The following OTUD4 variants were observed in gnomAD, a reference collection of about 807,000 sequenced individuals.
The protein encoded by OTUD4 is OTU deubiquitinase 4.
In OTUD4, 24 loss-of-function variants were observed where a neutral mutation model predicts 130.4. The ratio of observed to expected loss-of-function variants is 0.18; its 90% confidence interval spans 0.13 to 0.26. The LOEUF (loss-of-function observed/expected upper bound fraction) is 0.26. Ranked by LOEUF, OTUD4 falls within the 10% of genes least tolerant of loss-of-function variation. The pLI is 1.00. For synonymous variants in OTUD4, 420 were observed against 472.5 expected, an observed-to-expected ratio of 0.89 and a Z score of 1.44; for missense variants, 1,031 against 1,329.4, an observed-to-expected ratio of 0.78 and a Z score of 3.49.
intron 5 of OTUD4, among the ~76,000 whole-genome samples, chr4:145,163,722 T>C (rs78174990): frequency 6.6e-6 from 1 of 151,350 alleles, no homozygotes; most frequent in Non-Finnish European, 1.5e-5. Context: ...TTTTTTTTTT[T>C]TAAGACGGAG....
chr4:145,154,434 T>C (rs1051021580), intron 10 of OTUD4, among the ~76,000 whole-genome samples: 1 of 152,222 alleles, frequency 6.6e-6, no homozygotes, highest in African/African-American at 2.4e-5. Flanking sequence ...GTTTCCTCCA[T>C]AAGTCAAAAA....
chr4:145,180,028 G>A lies in OTUD4; in HGVS notation c.-55C>T, dbSNP rs1752620269. The A allele has an allele frequency of 7.0e-6, 9 of 1,286,912 alleles. No individual in the cohort carries two copies. The highest frequency in any genetic ancestry group is 8.8e-6 in the Non-Finnish European group (9 of 1,021,012). 79.7% of individuals were successfully genotyped at this position (1,286,912 alleles called of 1,614,324 possible). On this transcript the variant is annotated 5_prime_UTR_variant, in exon 1 of 21. Coordinates refer to ENST00000447906, the MANE Select transcript of OTUD4 (RefSeq NM_001366057.1). ...GCGAGGGCTAGCCCCACATGGCCAG[G>A]CCGCCGGCTGCTCGACGCCCCGGCC...
intron 13 of OTUD4, among the ~76,000 whole-genome samples, chr4:145,147,251 ATTTT>A (rs895738092): frequency 2.0e-5 from 3 of 151,506 alleles, no homozygotes; most frequent in Non-Finnish European, 4.4e-5. Flanking sequence ...ATGTTATCTG[ATTTT>A]TTTTTAACCT....
At chr4:145,141,021 C>T (rs1262718128) in intron 19 of OTUD4, among the ~76,000 whole-genome samples, 4 of 151,712 alleles carry the variant, frequency 2.6e-5, no homozygotes, top group Non-Finnish European at 5.9e-5. Flanking sequence ...AAAAAATTAG[C>T]CAGGCCTGGT....
chr4:145,163,059 T>A (rs36224851), intron 5 of OTUD4, among the ~76,000 whole-genome samples: 1,902 of 152,312 alleles, frequency 0.012, 44 homozygotes, highest in African/African-American at 0.042. Flanking sequence ...ACCTCTAACA[T>A]GCAAAATTTT....
intron 11 of OTUD4, among the ~76,000 whole-genome samples, chr4:145,151,627 T>G (rs1214163599): frequency 6.6e-6 from 1 of 152,086 alleles, no homozygotes; most frequent in Non-Finnish European, 1.5e-5. Context: ...AGGGCAAGAC[T>G]CCATCTCAAA....
chr4:145,164,241 T>G lies in OTUD4; in HGVS notation c.342-15A>C. On this transcript the variant is annotated splice_polypyrimidine_tract_variant and intron_variant, in intron 4 of 20. Transcript: ENST00000447906. ...TAAAATCTTTCCTGAAAATAACAATTAGAAATTATTTATAATGGACTATAC... is the reference window on the plus strand; with the variant it reads ...TAAAATCTTTCCTGAAAATAACAATGAGAAATTATTTATAATGGACTATAC... 2 of 1,134,498 alleles carry G rather than the reference T, an allele frequency of 1.8e-6. No individual in the cohort carries two copies. The highest frequency in any genetic ancestry group is 2.6e-5 in the East Asian group (1 of 38,682). 70.3% of individuals were successfully genotyped at this position (1,134,498 alleles called of 1,614,324 possible).
At chr4:145,139,458 C>T (rs2126736858) in intron 20 of OTUD4, among the ~76,000 whole-genome samples, 1 of 152,322 alleles carries the variant, frequency 6.6e-6, no homozygotes, top group East Asian at 1.9e-4. Flanking sequence ...AAGGATACCT[C>T]TGCTCTTCTA....
chr4:145,147,502 A>G (rs1198476724), intron 13 of OTUD4, among the ~76,000 whole-genome samples: 1 of 152,200 alleles, frequency 6.6e-6, no homozygotes, highest in Non-Finnish European at 1.5e-5. Context: ...ACCATCTCCT[A>G]TCATCCAAAA....
rs544473609 is a variant in OTUD4, at chr4:145,155,864, A to T, written c.690+72T>A. 3.3e-5 allele frequency: 43 copies of T among 1,317,692 alleles called. No homozygotes were observed. In the South Asian group the frequency reaches 5.6e-4, roughly 17 times the overall value. The allele number at this position is 1,317,692 out of a possible 1,614,324, so 81.6% of individuals were successfully genotyped here. A position where few individuals can be genotyped will look rare whatever the true frequency, so the allele number is the denominator to read the frequency against. On this transcript the variant is annotated intron_variant, in intron 8 of 20. Coordinates refer to ENST00000447906, the MANE Select transcript of OTUD4 (RefSeq NM_001366057.1). ...CTGAAATGTACCAGAAAAAAGAAAA[A>T]AATTAAGATTTTAATGTACATGCTT...
intron 7 of OTUD4, among the ~76,000 whole-genome samples, chr4:145,156,752 A>C (rs1751315153): frequency 6.6e-6 from 1 of 152,136 alleles, no homozygotes; most frequent in Non-Finnish European, 1.5e-5. Flanking sequence ...TAGCCCTTTA[A>C]ATTCACTGTC....
Position 145,141,389 on chromosome 4 carries a change from G to A in OTUD4, c.2073C>T (p.Asp691=), listed in dbSNP as rs772065996. 1.2e-6 allele frequency: 2 copies of A among 1,605,148 alleles called. No homozygotes were observed. The highest frequency in any genetic ancestry group is 8.5e-7 in the Non-Finnish European group (1 of 1,176,040). Residue 691 remains aspartate (D), a synonymous_variant, in exon 19 of 21, where the codon GAC becomes GAT. Coordinates refer to ENST00000447906, the MANE Select transcript of OTUD4 (RefSeq NM_001366057.1). ...GGAGAAGGAGCTCACCTTTAGGTAG[G>A]TCCTCCCCAGTCTGACACAGTGAAT... ...PPYSLCQTGE[D]LPKDKNILRF...
intron 20 of OTUD4, 107 bp from the exon 21 acceptor site, chr4:145,138,757 C>T: frequency 1.1e-6 from 1 of 885,960 alleles, no homozygotes; most frequent in Non-Finnish European, 1.7e-6. Flanking sequence ...CTCATGCCTA[C>T]AAAGACCATA....
intron 1 of OTUD4, 38 bp downstream of exon 1, chr4:145,179,777 G>GC: frequency 1.5e-5 from 5 of 326,422 alleles, no homozygotes; most frequent in South Asian, 1.1e-4. Context: ...GGCCGTCCCC[G>GC]CCTCCCCTCG....
At chr4:145,156,610 G>C (rs1751307747) in intron 7 of OTUD4, among the ~76,000 whole-genome samples, 2 of 151,920 alleles carry the variant, frequency 1.3e-5, no homozygotes, top group Non-Finnish European at 2.9e-5. Flanking sequence ...TTGAACCCGG[G>C]AGGCGGAGGT....
At position 145,144,649 on chromosome 4, in the gene OTUD4, A is replaced by C. The variant is rs2305552; in HGVS notation, c.1423-215T>G. Among the ~76,000 whole-genome samples, 6 of 152,296 alleles carry C rather than the reference A, an allele frequency of 3.9e-5. No individual in the cohort carries two copies. In the East Asian group the frequency reaches 1.2e-3, roughly 29 times the overall value. ...TATCGCTAAGTTGAAAGGATTAAGC[A>C]ATCAGATTTCAACTTAGATTAGTAG... On this transcript the variant is annotated intron_variant, in intron 14 of 20. Transcript: ENST00000447906.
chr4:145,146,501 CA>C (rs369472707), intron 13 of OTUD4, 72 bp from the exon 14 acceptor site: 23,070 of 564,736 alleles, frequency 0.041, no homozygotes, highest in South Asian at 0.06. Context: ...ACATTCTTGT[CA>C]AAAAAAAAAA....
chr4:145,161,578 A>G (rs1237010380), intron 6 of OTUD4, among the ~76,000 whole-genome samples: 1 of 152,162 alleles, frequency 6.6e-6, no homozygotes, highest in East Asian at 1.9e-4. Flanking sequence ...TCTCACACAG[A>G]AGAAGGGCAA....
chr4:145,174,734 G>A lies in OTUD4; in HGVS notation c.170C>T (p.Ser57Phe). ...FRAVAEQVLHSQSRHVEVRMA... is the reference protein window; with the variant it reads ...FRAVAEQVLHFQSRHVEVRMA... The stretch of plus-strand genomic sequence containing the variant: ...TCTGACTTCAACATGGCGAGACTGA[G>A]AGTGCAATACCTAAAAAGAAAAGGC... The change falls in exon 2 of 21, where the codon TCT (serine) becomes TTT (phenylalanine). Residue 57 changes from serine to phenylalanine, a missense_variant. Ser to Phe is a radical substitution (Grantham distance 155). Transcript: ENST00000447906. 6.3e-7 allele frequency: 1 copy of A among 1,598,614 alleles called. No individual in the cohort carries two copies. The highest frequency in any genetic ancestry group is 8.6e-7 in the Non-Finnish European group (1 of 1,165,990).
Sources: gnomAD v4.1 joint callset for allele counts (sites outside exome capture counted in the v4.1 genomes callset) on GRCh38, gnomAD v4.1.1 for gene constraint, MANE v1.5 for transcripts, NCBI Gene and HGNC (gene_info 2026-07-23, HGNC 2026-07-21) for gene names.